ZNF600: variants seen among roughly 807,000 people sequenced by gnomAD.
ZNF600 encodes the protein zinc finger protein 600.
In ZNF600, 4 loss-of-function variants were observed where a neutral mutation model predicts 7.3. That is an observed-to-expected ratio of 0.55 (90% CI 0.27 to 1.25). ZNF600 has a LOEUF of 1.25. Ranked by LOEUF, ZNF600 falls within the 50% of genes most tolerant of loss-of-function variation. The pLI, the probability that ZNF600 is intolerant of heterozygous loss-of-function variation, is 0.12. For synonymous variants in ZNF600, 290 were observed against 308.9 expected, an observed-to-expected ratio of 0.94 and a Z score of 0.64; for missense variants, 911 against 922.1, an observed-to-expected ratio of 0.99 and a Z score of 0.16.
At chr19:52,782,231 T>C (rs890559087) in intron 1 of ZNF600, among the ~76,000 whole-genome samples, 2 of 151,614 alleles carry the variant, frequency 1.3e-5, no homozygotes, top group Admixed American at 6.6e-5. Context: ...CTCAAAAAAA[T>C]AAAAATTAAA....
chr19:52,801,675 G>C, the ZNF600 span: 109 of 1,611,256 alleles, frequency 6.8e-5, no homozygotes, highest in Non-Finnish European at 8.9e-5. Context: ...TGAGAAGAAT[G>C]TCTTCATCAT....
chr19:52,815,627 A>G, the ZNF600 span, among the ~76,000 whole-genome samples: 4 of 146,598 alleles, frequency 2.7e-5, no homozygotes, highest in African/African-American at 1.1e-4. Context: ...GATCGAGACC[A>G]TCCTGGCTAC....
At chr19:52,821,611 C>G in the ZNF600 span, 1 of 152,200 alleles carries the variant, frequency 6.6e-6, no homozygotes. Flanking sequence ...CACCGTCATT[C>G]CACGGGATCC....
intron 3 of ZNF600, among the ~76,000 whole-genome samples, chr19:52,772,912 T>C (rs1194554403): frequency 6.6e-6 from 1 of 152,252 alleles, no homozygotes; most frequent in Non-Finnish European, 1.5e-5. Context: ...ACAGTGGTTC[T>C]GAAGCCATCC....
downstream of ZNF600, chr19:52,764,517 C>A (rs113989587): frequency 6.9e-6 from 1 of 145,456 alleles, no homozygotes; most frequent in Non-Finnish European, 1.5e-5. Context: ...GCTTTGATAT[C>A]CTTTTTTTTT....
chr19:52,784,854 G>C (rs1023539821), intron 1 of ZNF600, among the ~76,000 whole-genome samples: 3 of 152,188 alleles, frequency 2.0e-5, no homozygotes, highest in African/African-American at 7.2e-5. Flanking sequence ...TCGGCCTAGA[G>C]AAGCTGAAAC....
At chr19:52,766,047 A>G (rs540529633) in exon 4 of ZNF600, 1 of 1,613,656 alleles carries the variant, frequency 6.2e-7, no homozygotes. Flanking sequence ...ACGATGGTGA[A>G]CAAGGGATGG....
chr19:52,813,668 A>G, the ZNF600 span, among the ~76,000 whole-genome samples: 1 of 121,836 alleles, frequency 8.2e-6, no homozygotes, highest in African/African-American at 3.5e-5. Context: ...CTGGTGATCT[A>G]TTTTGTTTCC....
chr19:52,769,180 C>G (rs1234269169), intron 3 of ZNF600, among the ~76,000 whole-genome samples: 1 of 151,934 alleles, frequency 6.6e-6, no homozygotes, highest in Admixed American at 6.5e-5. Flanking sequence ...TCCCTTTCCC[C>G]GGGGGAGTTT....
At chr19:52,808,830 G>A in the ZNF600 span, among the ~76,000 whole-genome samples, 1 of 151,416 alleles carries the variant, frequency 6.6e-6, no homozygotes, top group African/African-American at 2.4e-5. Context: ...AATAAAATAC[G>A]TGAAAACAAA....
chr19:52,790,014 A>T (rs990643401), upstream of ZNF600, among the ~76,000 whole-genome samples: 3 of 152,178 alleles, frequency 2.0e-5, no homozygotes, highest in Non-Finnish European at 4.4e-5. Flanking sequence ...AGCCAGGATG[A>T]GCCAGGAGAA....
At chr19:52,774,543 T>G in intron 3 of ZNF600, 32 bp downstream of exon 5, 1 of 980,932 alleles carries the variant, frequency 1.0e-6, no homozygotes, top group South Asian at 4.7e-5. Flanking sequence ...AAGAGCAGAC[T>G]CCTCATGTCT....
At chr19:52,806,791 A>G in the ZNF600 span, among the ~76,000 whole-genome samples, 26 of 151,942 alleles carry the variant, frequency 1.7e-4, no homozygotes, top group Non-Finnish European at 3.5e-4. Context: ...AGTTCCAGCT[A>G]CTCAGGAATC....
the ZNF600 span, among the ~76,000 whole-genome samples, chr19:52,833,142 C>T: frequency 6.6e-6 from 1 of 152,142 alleles, no homozygotes; most frequent in African/African-American, 2.4e-5. Context: ...CCTTATTGGT[C>T]TCCTTTTCCA....
the ZNF600 span, chr19:52,799,088 G>A: frequency 2.3e-6 from 1 of 430,972 alleles, no homozygotes; most frequent in Non-Finnish European, 4.5e-6. Flanking sequence ...CTTTGTCACA[G>A]TCTTCACATT....
the ZNF600 span, among the ~76,000 whole-genome samples, chr19:52,818,452 C>T: frequency 1.3e-5 from 2 of 152,054 alleles, no homozygotes; most frequent in African/African-American, 2.4e-5. Context: ...GTGGCTCATG[C>T]CTGTAATACC....
chr19:52,818,307 A>T, the ZNF600 span, among the ~76,000 whole-genome samples: 5 of 152,264 alleles, frequency 3.3e-5, no homozygotes, highest in East Asian at 9.7e-4. Flanking sequence ...GGTGGTGCGC[A>T]TCTGTGTGTC....
intron 3 of ZNF600, among the ~76,000 whole-genome samples, chr19:52,769,576 T>G (rs1229875914): frequency 6.6e-6 from 1 of 152,146 alleles, no homozygotes; most frequent in Non-Finnish European, 1.5e-5. Context: ...CAGCGCAGCC[T>G]GGCATTCAGG....
intron 1 of ZNF600, among the ~76,000 whole-genome samples, chr19:52,782,406 A>C (rs1387160989): frequency 6.7e-6 from 1 of 150,312 alleles, no homozygotes; most frequent in Non-Finnish European, 1.5e-5. Context: ...GCCTGTAATC[A>C]TAACTACTCA....
Sources: gnomAD v4.1 joint callset for allele counts (sites outside exome capture counted in the v4.1 genomes callset) on GRCh38, gnomAD v4.1.1 for gene constraint, MANE v1.5 for transcripts, NCBI Gene and HGNC (gene_info 2026-07-23, HGNC 2026-07-21) for gene names.